Variants in MAN1C1 observed in about 807,000 individuals in gnomAD.
MAN1C1 encodes the protein mannosidase alpha class 1C member 1.
MAN1C1 carries 49 observed loss-of-function variants against 71.5 expected under a neutral mutation model. That is an observed-to-expected ratio of 0.69 (90% confidence interval 0.54 to 0.87). The LOEUF (loss-of-function observed/expected upper bound fraction) is 0.87. Ranked by LOEUF, MAN1C1 falls within the 40% of genes least tolerant of loss-of-function variation. The probability of loss-of-function intolerance (pLI) is 0.00; values close to 1 mark genes in which losing one functional copy is unlikely to be tolerated. For missense variants in MAN1C1, 743 were observed against 835.0 expected (o/e 0.89, Z 1.36); for synonymous variants, 352 against 343.7 (o/e 1.02, Z -0.27).
At position 25,736,484 on chromosome 1, in the gene MAN1C1, C is replaced by A. The variant is rs542662999; in HGVS notation, c.638-10184C>A. 5.3e-5 allele frequency among the ~76,000 whole-genome samples: 8 copies of A among 152,202 alleles called. No homozygotes were observed. The South Asian group carries it at 1.5e-3, about 28-fold the overall frequency. Reference sequence around the variant, plus strand: ...TATATGTATTCTTCCAAACTCATCACCATACCACCCTAAAAGGGAGACCTC... The same window carrying A: ...TATATGTATTCTTCCAAACTCATCAACATACCACCCTAAAAGGGAGACCTC... On this transcript the variant is annotated intron_variant, in intron 2 of 11. Coordinates refer to ENST00000374332, the MANE Select transcript of MAN1C1 (RefSeq NM_020379.4).
intron 1 of MAN1C1, among the ~76,000 whole-genome samples, chr1:25,626,777 C>T (rs1026091466): frequency 2.0e-5 from 3 of 152,096 alleles, no homozygotes; most frequent in African/African-American, 7.2e-5. Context: ...TTCATATATT[C>T]TAGATACAAG....
Position 25,693,417 on chromosome 1 carries a change from G to GT in MAN1C1, c.637+6882dup, listed in dbSNP as rs201360623. Among the ~76,000 whole-genome samples the GT allele has an allele frequency of 2.4e-3, 366 of 152,228 alleles. 1 individual carries two copies. Among genetic ancestry groups the GT allele is most frequent in the Non-Finnish European group, 4.2e-3 (288 of 68,018 alleles). Reference sequence around the variant, plus strand: ...GGCCAAGGTGGGCAGAGCCCCTGAGGTCAGGAGTTCGAAACCAGCCTGGCC... The same window carrying GT: ...GGCCAAGGTGGGCAGAGCCCCTGAGGTTCAGGAGTTCGAAACCAGCCTGGCC... On this transcript the variant is annotated intron_variant, in intron 2 of 11. Coordinates refer to ENST00000374332, the MANE Select transcript of MAN1C1 (RefSeq NM_020379.4).
At chr1:25,780,410 AAACTCTCG>A (rs2047676937) in intron 9 of MAN1C1, among the ~76,000 whole-genome samples, 1 of 152,102 alleles carries the variant, frequency 6.6e-6, no homozygotes, top group Non-Finnish European at 1.5e-5. Flanking sequence ...AGCTGTTCCC[AAACTCTCG>A]AAGTTTGTTC....
intron 1 of MAN1C1, among the ~76,000 whole-genome samples, chr1:25,639,094 C>A (rs2045503571): frequency 6.6e-6 from 1 of 152,096 alleles, no homozygotes; most frequent in Admixed American, 6.6e-5. Context: ...AGTAACCTAT[C>A]TTTAAGTTCA....
chr1:25,655,072 C>G (rs1004726527), intron 1 of MAN1C1, among the ~76,000 whole-genome samples: 1 of 152,202 alleles, frequency 6.6e-6, no homozygotes, highest in African/African-American at 2.4e-5. Context: ...ATCATGTGTG[C>G]TTGTGCTTTT....
In MAN1C1 at chr1:25,618,345, C is replaced by T. The variant is rs1474594470; in HGVS notation, c.540+8C>T. The T allele has an allele frequency of 1.3e-6, 2 of 1,592,186 alleles. No individual in the cohort carries two copies. The highest frequency in any genetic ancestry group is 1.7e-6 in the Non-Finnish European group (2 of 1,172,204). ...CGGGAGAAAATCAAGGAGGTATGGA[C>T]TCAGCCCCCAAACTCCTCCCACCAA... On this transcript the variant is annotated splice_region_variant and intron_variant, in intron 1 of 11. Coordinates refer to ENST00000374332, the MANE Select transcript of MAN1C1 (RefSeq NM_020379.4).
At position 25,782,776 on chromosome 1, in the gene MAN1C1, C is replaced by A; in HGVS notation, c.1766+76C>A. 2 of 1,092,764 alleles carry A rather than the reference C, an allele frequency of 1.8e-6. No homozygotes were observed. The highest frequency in any genetic ancestry group is 2.8e-6 in the Non-Finnish European group (2 of 715,446). 67.7% of individuals were successfully genotyped at this position (1,092,764 alleles called of 1,614,324 possible). A position where few individuals can be genotyped will look rare whatever the true frequency, so the allele number is the denominator to read the frequency against. On this transcript the variant is annotated intron_variant, in intron 11 of 11. Coordinates refer to ENST00000374332, the MANE Select transcript of MAN1C1 (RefSeq NM_020379.4). The surrounding 1 kb of genome is among the most constrained non-coding windows in gnomAD (Gnocchi z 4.4). ...AGGGGTCCGCAGTCCCTCCCCTCCA[C>A]AGTCAGGTTCTGTGGTCACAGGACG...
At chr1:25,714,273 G>T (rs2124256480) in intron 2 of MAN1C1, among the ~76,000 whole-genome samples, 1 of 152,272 alleles carries the variant, frequency 6.6e-6, no homozygotes, top group South Asian at 2.1e-4. Flanking sequence ...ATGGTTAGGG[G>T]AGGAGAGGGG....
intron 4 of MAN1C1, 151 bp downstream of exon 4, chr1:25,749,486 G>C: frequency 1.7e-6 from 1 of 583,876 alleles, no homozygotes; most frequent in Non-Finnish European, 3.0e-6. Flanking sequence ...CTGAGGGCCT[G>C]TTTTCCCTCC....
intron 1 of MAN1C1, among the ~76,000 whole-genome samples, chr1:25,676,611 G>A (rs150099801): frequency 2.3e-4 from 35 of 152,286 alleles, no homozygotes; most frequent in African/African-American, 8.2e-4. Context: ...TCCCAGGATC[G>A]TTAGAGACCA....
At chr1:25,705,736 A>G (rs943436837) in intron 2 of MAN1C1, among the ~76,000 whole-genome samples, 2 of 152,234 alleles carry the variant, frequency 1.3e-5, no homozygotes, top group African/African-American at 4.8e-5. Context: ...ATTTGAGGCC[A>G]GGAGACCTGG....
chr1:25,753,107 C>T lies in MAN1C1; in HGVS notation c.835-377C>T, dbSNP rs2047238636. On this transcript the variant is annotated intron_variant, in intron 4 of 11. Coordinates refer to ENST00000374332, the MANE Select transcript of MAN1C1 (RefSeq NM_020379.4). The surrounding 1 kb of genome is among the most constrained non-coding windows in gnomAD (Gnocchi z 4.9). The stretch of plus-strand genomic sequence containing the variant: ...CTTCATCTGGACTTGGAGGTGCCCC[C>T]CACCCCCCGCACCTCACTGCTTTCT... 6.6e-6 allele frequency among the ~76,000 whole-genome samples: 1 copy of T among 152,132 alleles called. No individual in the cohort carries two copies. Among genetic ancestry groups the T allele is most frequent in the Non-Finnish European group, 1.5e-5 (1 of 68,016 alleles).
chr1:25,717,625 G>T (rs546318107), intron 2 of MAN1C1, among the ~76,000 whole-genome samples: 1 of 151,064 alleles, frequency 6.6e-6, no homozygotes, highest in Admixed American at 6.6e-5. Context: ...GCCCAGGCTG[G>T]AGTGCAGTGG....
chr1:25,749,228 G>A, intron 3 of MAN1C1, 27 bp from the exon 4 acceptor site: 1 of 1,599,602 alleles, frequency 6.3e-7, no homozygotes. Context: ...TGTCCCCACT[G>A]TCCCCCTCCT....
chr1:25,652,391 C>T lies in MAN1C1; in HGVS notation c.541-34049C>T, dbSNP rs191028567. Among the ~76,000 whole-genome samples the T allele has an allele frequency of 3.3e-3, 499 of 152,342 alleles. 1 individual carries two copies. The highest frequency in any genetic ancestry group is 6.1e-3 in the African/African-American group (255 of 41,576). ...AGGAGTCTGCTCAGTGTGGCAGTGGCGCTCTCCCGGGAAGTGAGACTCTGC... is the reference window on the plus strand; with the variant it reads ...AGGAGTCTGCTCAGTGTGGCAGTGGTGCTCTCCCGGGAAGTGAGACTCTGC... On this transcript the variant is annotated intron_variant, in intron 1 of 11. Coordinates refer to ENST00000374332, the MANE Select transcript of MAN1C1 (RefSeq NM_020379.4).
intron 1 of MAN1C1, among the ~76,000 whole-genome samples, chr1:25,683,322 C>T (rs1277898927): frequency 1.3e-5 from 2 of 152,212 alleles, no homozygotes; most frequent in Non-Finnish European, 2.9e-5. Flanking sequence ...GCCCAGCAGC[C>T]CCTCCTCTGG....
At position 25,618,245 on chromosome 1, in the gene MAN1C1, A is replaced by T. The variant is rs1377557102; in HGVS notation, c.448A>T (p.Ser150Cys). The T allele has an allele frequency of 6.2e-7, 1 of 1,602,550 alleles. No individual in the cohort carries two copies. Among genetic ancestry groups the T allele is most frequent in the East Asian group, 2.3e-5 (1 of 44,326 alleles). The change falls in exon 1 of 12, where the codon AGC (serine) becomes TGC (cysteine). Residue 150 changes from serine to cysteine, a missense_variant. By Grantham distance (112) the Ser-to-Cys change is moderately radical. Coordinates refer to ENST00000374332, the MANE Select transcript of MAN1C1 (RefSeq NM_020379.4). ...PFRFDFNAFR[S>C]RLRHPVLGTR... Reference sequence around the variant, plus strand: ...CCGCTTTGACTTCAACGCATTCCGGAGCCGTCTCCGCCACCCGGTCCTGGG... The same window carrying T: ...CCGCTTTGACTTCAACGCATTCCGGTGCCGTCTCCGCCACCCGGTCCTGGG...
intron 1 of MAN1C1, among the ~76,000 whole-genome samples, chr1:25,636,660 G>T (rs1180714706): frequency 6.6e-6 from 1 of 152,204 alleles, no homozygotes; most frequent in Admixed American, 6.5e-5. Context: ...AATTTGTACA[G>T]TTAAGACAAT....
At chr1:25,644,089 G>A (rs944184174) in intron 1 of MAN1C1, among the ~76,000 whole-genome samples, 5 of 152,142 alleles carry the variant, frequency 3.3e-5, no homozygotes, top group Non-Finnish European at 7.4e-5. Flanking sequence ...AAGGTCTTAC[G>A]GGTGCACCAT....
Sources: gnomAD v4.1 joint callset for allele counts (sites outside exome capture counted in the v4.1 genomes callset) on GRCh38, gnomAD v4.1.1 for gene constraint, Gnocchi (gnomAD v3.1) non-coding constraint, MANE v1.5 for transcripts, NCBI Gene and HGNC (gene_info 2026-07-23, HGNC 2026-07-21) for gene names.